NUBPL: variants seen among roughly 807,000 people sequenced by gnomAD.
NUBPL encodes NUBP iron-sulfur cluster assembly factor, mitochondrial.
A neutral mutation model predicts 45.7 loss-of-function variants in NUBPL; 31 were observed. The observed-to-expected ratio is 0.68, with a 90% CI of 0.51 to 0.92. NUBPL has a LOEUF of 0.92. Among genes scored for constraint, NUBPL ranks in the 40% least tolerant of loss-of-function variants. The probability of loss-of-function intolerance (pLI) is 0.00; values close to 1 mark genes in which losing one functional copy is unlikely to be tolerated. For missense variants in NUBPL, 401 were observed against 398.7 expected (o/e 1.01, Z -0.05); for synonymous variants, 144 against 140.9 (o/e 1.02, Z -0.15).
At chr14:31,708,008 C>T (rs1045719593) in intron 6 of NUBPL, among the ~76,000 whole-genome samples, 8 of 152,086 alleles carry the variant, frequency 5.3e-5, no homozygotes, top group Admixed American at 2.0e-4. Flanking sequence ...AGTCAGAGTG[C>T]GGGGGAATAC....
intron 8 of NUBPL, chr14:31,844,733 A>G (rs751558233): frequency 3.9e-5 from 6 of 152,220 alleles, no homozygotes; most frequent in Non-Finnish European, 7.3e-5. Flanking sequence ...ATAATCTACA[A>G]TCATAACCTT....
At chr14:31,602,899 A>G (rs1481343549) in intron 4 of NUBPL, among the ~76,000 whole-genome samples, 1 of 152,180 alleles carries the variant, frequency 6.6e-6, no homozygotes, top group Non-Finnish European at 1.5e-5. Flanking sequence ...TTCTTTCCCT[A>G]GCCTCTTTAC....
intron 6 of NUBPL, among the ~76,000 whole-genome samples, chr14:31,701,125 T>TATCTAGCGA (rs1555329665): frequency 9.8e-4 from 148 of 151,076 alleles, no homozygotes; most frequent in Non-Finnish European, 1.7e-3. Flanking sequence ...CAGCACTCTG[T>TATCTAGCGA]ATCTAGCTAA....
At chr14:31,688,940 G>T (rs540162508) in intron 6 of NUBPL, among the ~76,000 whole-genome samples, 57 of 151,816 alleles carry the variant, frequency 3.8e-4, no homozygotes, top group Non-Finnish European at 5.7e-4. Flanking sequence ...CCGGCATTAG[G>T]TTGCTAAGGA....
At chr14:31,744,119 G>A (rs111245549) in intron 6 of NUBPL, among the ~76,000 whole-genome samples, 6 of 152,174 alleles carry the variant, frequency 3.9e-5, no homozygotes, top group African/African-American at 1.4e-4. Context: ...AGAGATAATA[G>A]GAATGAAGTG....
At chr14:31,775,795 A>T (rs2039088575) in intron 6 of NUBPL, among the ~76,000 whole-genome samples, 1 of 152,074 alleles carries the variant, frequency 6.6e-6, no homozygotes, top group Non-Finnish European at 1.5e-5. Context: ...AAATCCTTTG[A>T]GTTTGGAGCC....
chr14:31,809,955 A>G (rs2039767721), intron 7 of NUBPL, among the ~76,000 whole-genome samples: 3 of 152,248 alleles, frequency 2.0e-5, no homozygotes, highest in East Asian at 3.9e-4. Flanking sequence ...CCTGAGTTCT[A>G]ATTTGATTGC....
At chr14:31,656,298 G>T (rs993801226) in intron 4 of NUBPL, among the ~76,000 whole-genome samples, 1 of 152,008 alleles carries the variant, frequency 6.6e-6, no homozygotes, top group South Asian at 2.1e-4. Context: ...GGGCTGTTTT[G>T]CTTTCTTTTT....
At chr14:31,857,913 T>C (rs1367462201) in intron 10 of NUBPL, among the ~76,000 whole-genome samples, 1 of 152,166 alleles carries the variant, frequency 6.6e-6, no homozygotes, top group Non-Finnish European at 1.5e-5. Context: ...AGTTCCAAAG[T>C]CACTTCCACA....
chr14:31,766,970 G>A (rs1204181029), intron 6 of NUBPL, among the ~76,000 whole-genome samples: 1 of 151,682 alleles, frequency 6.6e-6, no homozygotes, highest in African/African-American at 2.4e-5. Context: ...AAAAAAGGAA[G>A]CAGAGGGAAC....
chr14:31,646,235 A>G (rs1332456691), intron 4 of NUBPL, among the ~76,000 whole-genome samples: 1 of 151,502 alleles, frequency 6.6e-6, no homozygotes, highest in African/African-American at 2.4e-5. Flanking sequence ...TGCCCACGCT[A>G]GAGTGCAGTG....
chr14:31,645,465 C>T (rs568858537), intron 4 of NUBPL, among the ~76,000 whole-genome samples: 1 of 152,258 alleles, frequency 6.6e-6, no homozygotes, highest in South Asian at 2.1e-4. Context: ...CATTTACATT[C>T]AGTGTTTTCA....
In NUBPL at chr14:31,787,849, G is replaced by T. The variant is rs762587146; in HGVS notation, c.583G>T (p.Val195Phe). ...AGGAACTGGAGATGTGCAGTTATCAGTCTCACAGAATATTCCTATAACAGG... is the reference window on the plus strand; with the variant it reads ...AGGAACTGGAGATGTGCAGTTATCATTCTCACAGAATATTCCTATAACAGG... Reference protein sequence around the residue: ...PPGTGDVQLSVSQNIPITGAV... With the variant: ...PPGTGDVQLSFSQNIPITGAV... The change falls in exon 7 of 11, where the codon GTC (valine) becomes TTC (phenylalanine). Residue 195 changes from valine to phenylalanine, a missense_variant. Val to Phe is a conservative substitution (Grantham distance 50, BLOSUM62 -1). Transcript: ENST00000281081. The T allele has an allele frequency of 6.2e-7, 1 of 1,611,846 alleles. No homozygotes were observed. The highest frequency in any genetic ancestry group is 8.5e-7 in the Non-Finnish European group (1 of 1,178,084).
chr14:31,728,735 A>T (rs779177933), intron 6 of NUBPL, among the ~76,000 whole-genome samples: 16 of 152,180 alleles, frequency 1.1e-4, no homozygotes, highest in Non-Finnish European at 7.4e-5. Flanking sequence ...AACTTGGTTG[A>T]TTGCTATCCC....
intron 6 of NUBPL, among the ~76,000 whole-genome samples, chr14:31,704,441 A>T (rs1478157188): frequency 6.6e-6 from 1 of 152,200 alleles, no homozygotes; most frequent in East Asian, 1.9e-4. Context: ...AGGTGGGCAG[A>T]TCACCTGAGG....
At position 31,716,825 on chromosome 14, in the gene NUBPL, C is replaced by T. The variant is rs148668170; in HGVS notation, c.513+43251C>T. ...ACAGAGACTTAATGATTGACACTAC[C>T]AACCACCTAGCTGCTCAGGCTAAAA... On this transcript the variant is annotated intron_variant, in intron 6 of 10. Transcript: ENST00000281081. 2.0e-3 allele frequency among the ~76,000 whole-genome samples: 303 copies of T among 152,224 alleles called. 1 individual carries two copies. Among genetic ancestry groups the T allele is most frequent in the African/African-American group, 6.7e-3 (278 of 41,548 alleles).
chr14:31,588,924 A>AC (rs1214241726), intron 3 of NUBPL, among the ~76,000 whole-genome samples: 1 of 151,846 alleles, frequency 6.6e-6, no homozygotes, highest in Non-Finnish European at 1.5e-5. Flanking sequence ...AAAAAAAAAA[A>AC]AAAAAATAGT....
intron 9 of NUBPL, among the ~76,000 whole-genome samples, chr14:31,847,871 CTG>C (rs1334554073): frequency 6.6e-6 from 1 of 152,130 alleles, no homozygotes; most frequent in African/African-American, 2.4e-5. Flanking sequence ...TATTCTGCAA[CTG>C]TTTTTCATTT....
At chr14:31,817,230 C>T (rs535806742) in intron 7 of NUBPL, among the ~76,000 whole-genome samples, 107 of 152,102 alleles carry the variant, frequency 7.0e-4, no homozygotes, top group Middle Eastern at 6.3e-3. Flanking sequence ...GAGAATGAAA[C>T]CAAGTTGAAA....
Sources: allele counts gnomAD v4.1 joint callset (sites outside exome capture counted in the v4.1 genomes callset), GRCh38; gene constraint gnomAD v4.1.1; transcripts MANE v1.5; gene names NCBI Gene and HGNC (gene_info 2026-07-23, HGNC 2026-07-21).